Variants in OVOL3 observed in about 807,000 individuals in gnomAD.
OVOL3 encodes putative transcription factor ovo-like protein 3.
OVOL3 carries 15 observed loss-of-function variants against 13.6 expected under a neutral mutation model. The ratio of observed to expected loss-of-function variants is 1.11; its 90% confidence interval spans 0.74 to 1.70. The LOEUF (loss-of-function observed/expected upper bound fraction) is 1.70, where lower values mean the gene tolerates loss of function less well. Ranked by LOEUF, OVOL3 falls within the 40% of genes most tolerant of loss-of-function variation. The probability of loss-of-function intolerance (pLI) is 0.00; values close to 1 mark genes in which losing one functional copy is unlikely to be tolerated. For synonymous variants in OVOL3, 102 were observed against 108.5 expected (o/e 0.94, Z 0.37); for missense variants, 290 against 280.6 (o/e 1.03, Z -0.24).
Position 36,111,148 on chromosome 19 carries a change from G to T in OVOL3, c.-55G>T. 1 of 1,411,858 alleles carries T rather than the reference G, an allele frequency of 7.1e-7. No individual in the cohort carries two copies. 87.5% of individuals were successfully genotyped at this position (1,411,858 alleles called of 1,614,324 possible). A position where few individuals can be genotyped will look rare whatever the true frequency, so the allele number is the denominator to read the frequency against. The stretch of plus-strand genomic sequence containing the variant: ...CACCAGGGATAGTCATCCTGGGGCT[G>T]AGGTCTGACAGCAGGTGGAAGCAGC... On this transcript the variant is annotated 5_prime_UTR_variant, in exon 1 of 4. Transcript: ENST00000633214.
At chr19:36,112,631 T>C in intron 2 of OVOL3, 129 bp from the exon 3 acceptor site, 2 of 788,314 alleles carry the variant, frequency 2.5e-6, no homozygotes, top group Non-Finnish European at 4.0e-6. Flanking sequence ...CACACACTAA[T>C]CACTGTCTCC....
At chr19:36,111,563 C>T (rs1172421910) in intron 2 of OVOL3, 130 bp downstream of exon 2, 1 of 913,776 alleles carries the variant, frequency 1.1e-6, no homozygotes, top group Non-Finnish European at 1.7e-6. Context: ...CTGTCCGCCC[C>T]TACTTCTCTG....
At chr19:36,111,636 C>A (rs1422441384) in intron 2 of OVOL3, 3 of 698,796 alleles carry the variant, frequency 4.3e-6, no homozygotes. Flanking sequence ...ACCCCAGGCA[C>A]CAGGGCCGGC....
Position 36,111,250 on chromosome 19 carries a change from C to A in OVOL3, c.48C>A (p.Asn16Lys). Residue 16 changes from asparagine (N) to lysine (K), a missense_variant, in exon 1 of 4, where the codon AAC (asparagine) becomes AAA (lysine). By Grantham distance (94) the Asn-to-Lys change is moderately conservative. Transcript: ENST00000633214. ...LVRSRRPQPPNWGHLPDQLRG... is the reference protein window; with the variant it reads ...LVRSRRPQPPKWGHLPDQLRG... ...GGAGTCGGCGTCCACAGCCCCCCAA[C>A]TGGGGCCATCTGCCTGACCAGCTCC... The A allele has an allele frequency of 6.5e-7, 1 of 1,536,034 alleles. No homozygotes were observed. Among genetic ancestry groups the A allele is most frequent in the Non-Finnish European group, 8.7e-7 (1 of 1,146,878 alleles).
rs1472739796 is a variant in OVOL3 at position 36,112,722 on chromosome 19, T to C, written c.160-38T>C. On this transcript the variant is annotated intron_variant, in intron 2 of 3. Transcript: ENST00000633214. The stretch of plus-strand genomic sequence containing the variant: ...GCAGAGTAACAAAGGGTGGATGGGG[T>C]CCAGCCAGAGAGGCTAATAACTCCT... 6.0e-6 allele frequency: 9 copies of C among 1,491,630 alleles called. No individual in the cohort carries two copies. The African/African-American group carries it at 8.3e-5, about 14-fold the overall frequency. 92.4% of individuals were successfully genotyped at this position (1,491,630 alleles called of 1,614,324 possible). A position where few individuals can be genotyped will look rare whatever the true frequency, so the allele number is the denominator to read the frequency against.
Position 36,111,244 on chromosome 19 carries a change from C to T in OVOL3, c.42C>T (p.Pro14=), listed in dbSNP as rs1018280162. 4.3e-5 allele frequency: 66 copies of T among 1,535,846 alleles called. No individual in the cohort carries two copies. The highest frequency in any genetic ancestry group is 5.6e-5 in the Non-Finnish European group (64 of 1,146,862). ...AFLVRSRRPQ[P]PNWGHLPDQL... ...TGGTCAGGAGTCGGCGTCCACAGCC[C>T]CCCAACTGGGGCCATCTGCCTGACC... Residue 14 remains proline, a synonymous_variant, in exon 1 of 4, where the codon CCC becomes CCT. Coordinates refer to ENST00000633214, the MANE Select transcript of OVOL3 (RefSeq NM_001302757.2).
chr19:36,111,384 G>C lies in OVOL3; in HGVS notation c.110G>C (p.Gly37Ala), dbSNP rs971541616. Reference sequence around the variant, plus strand: ...TTCTCCTCAGACTGCAGCAGCCTGGGGGGGCCACCGGCACAACAGTCGTCC... The same window carrying C: ...TTCTCCTCAGACTGCAGCAGCCTGGCGGGGCCACCGGCACAACAGTCGTCC... ...DAYIPDCSSLGGPPAQQSSSV... is the reference protein window; with the variant it reads ...DAYIPDCSSLAGPPAQQSSSV... Residue 37 changes from glycine to alanine, a missense_variant, in exon 2 of 4, where the codon GGG becomes GCG. Gly to Ala is a moderately conservative substitution (Grantham distance 60). Transcript: ENST00000633214. 2.0e-6 allele frequency: 3 copies of C among 1,535,862 alleles called. No individual in the cohort carries two copies. Among genetic ancestry groups the C allele is most frequent in the Non-Finnish European group, 2.6e-6 (3 of 1,146,824 alleles).
chr19:36,113,552 A>C lies in OVOL3; in HGVS notation c.464A>C (p.Tyr155Ser). The change falls in exon 4 of 4, where the codon TAC (tyrosine) becomes TCC (serine). Residue 155 changes from tyrosine (Y) to serine (S), a missense_variant. Transcript: ENST00000633214. ...LAKVHGQPAS[Y>S]AYRERREKLH... ...AAGGTGCATGGACAGCCGGCCAGCT[A>C]CGCTTACCGTGAGCGCCGCGAGAAG... 1 of 1,536,548 alleles carries C rather than the reference A, an allele frequency of 6.5e-7. No homozygotes were observed. The highest frequency in any genetic ancestry group is 8.7e-7 in the Non-Finnish European group (1 of 1,146,894).
Position 36,111,447 on chromosome 19 carries a change from T to G in OVOL3, c.159+14T>G, listed in dbSNP as rs1184618360. 1 of 1,535,530 alleles carries G rather than the reference T, an allele frequency of 6.5e-7. No individual in the cohort carries two copies. Among genetic ancestry groups the G allele is most frequent in the Non-Finnish European group, 8.7e-7 (1 of 1,146,512 alleles). Reference sequence around the variant, plus strand: ...CCGTGGACAGCGGTGAGTGTGTAACTGGCTAGCAAAGCCAGCTGTTTCGCT... The same window carrying G: ...CCGTGGACAGCGGTGAGTGTGTAACGGGCTAGCAAAGCCAGCTGTTTCGCT... On this transcript the variant is annotated intron_variant, in intron 2 of 3. Transcript: ENST00000633214.
intron 2 of OVOL3, chr19:36,111,768 G>C: frequency 1.9e-6 from 1 of 521,962 alleles, no homozygotes; most frequent in South Asian, 1.5e-5. Context: ...TTTTTCAGCT[G>C]TGCATGCATT....
At chr19:36,113,171 G>A (rs886466531) in intron 3 of OVOL3, among the ~76,000 whole-genome samples, 3 of 152,184 alleles carry the variant, frequency 2.0e-5, no homozygotes, top group Non-Finnish European at 4.4e-5. Context: ...GCAGACGGAT[G>A]CCGGTTATAC....
At chr19:36,111,822 G>C (rs768753124) in intron 2 of OVOL3, 1 of 473,992 alleles carries the variant, frequency 2.1e-6, no homozygotes, top group African/African-American at 2.0e-5. Context: ...ATTCATGAAA[G>C]CAAGGCACTG....
chr19:36,112,678 A>C, intron 2 of OVOL3, 82 bp from the exon 3 acceptor site: 1 of 1,299,092 alleles, frequency 7.7e-7, no homozygotes, highest in Non-Finnish European at 1.0e-6. Flanking sequence ...GGCTCAGGAC[A>C]CTCTGTAAAT....
At position 36,113,637 on chromosome 19, in the gene OVOL3, C is replaced by G. The variant is rs1267387735; in HGVS notation, c.549C>G (p.His183Gln). Residue 183 changes from histidine to glutamine, a missense_variant, in exon 4 of 4, where the codon CAC becomes CAG. Coordinates refer to ENST00000633214, the MANE Select transcript of OVOL3 (RefSeq NM_001302757.2). Reference protein sequence around the residue: ...TSSRPDTYAQHRALHRAA With the variant: ...TSSRPDTYAQQRALHRAA The stretch of plus-strand genomic sequence containing the variant: ...CCCGGCCCGACACCTACGCACAGCA[C>G]CGCGCCCTGCACCGCGCAGCCTGAT... The G allele has an allele frequency of 2.6e-6, 4 of 1,547,418 alleles. No homozygotes were observed. In the East Asian group the frequency reaches 7.3e-5, roughly 28 times the overall value.
chr19:36,111,382 G>T lies in OVOL3; in HGVS notation c.108G>T (p.Leu36=). 1 of 1,535,154 alleles carries T rather than the reference G, an allele frequency of 6.5e-7. No homozygotes were observed. Among genetic ancestry groups the T allele is most frequent in the Non-Finnish European group, 8.7e-7 (1 of 1,146,272 alleles). The part of the protein sequence containing the change: ...GDAYIPDCSS[L]GGPPAQQSSS... ...TTTTCTCCTCAGACTGCAGCAGCCT[G>T]GGGGGGCCACCGGCACAACAGTCGT... Residue 36 remains leucine (L), a synonymous_variant, in exon 2 of 4, where the codon CTG becomes CTT. Transcript: ENST00000633214.
In OVOL3 at chr19:36,111,359, T is replaced by C. The variant is rs766420844; in HGVS notation, c.95-10T>C. On this transcript the variant is annotated splice_polypyrimidine_tract_variant and intron_variant, in intron 1 of 3. Coordinates refer to ENST00000633214, the MANE Select transcript of OVOL3 (RefSeq NM_001302757.2). ...GAGACGCAGTGTCACCATCTGGCTT[T>C]TCTCCTCAGACTGCAGCAGCCTGGG... is the stretch of plus-strand genomic sequence containing the variant. The C allele has an allele frequency of 6.5e-7, 1 of 1,535,712 alleles. No homozygotes were observed. The highest frequency in any genetic ancestry group is 8.7e-7 in the Non-Finnish European group (1 of 1,146,638).
At position 36,111,453 on chromosome 19, in the gene OVOL3, G is replaced by A; in HGVS notation, c.159+20G>A. On this transcript the variant is annotated intron_variant, in intron 2 of 3. Transcript: ENST00000633214. ...ACAGCGGTGAGTGTGTAACTGGCTA[G>A]CAAAGCCAGCTGTTTCGCTCCTGCC... is the stretch of plus-strand genomic sequence containing the variant. 1 of 1,534,008 alleles carries A rather than the reference G, an allele frequency of 6.5e-7. No homozygotes were observed. The highest frequency in any genetic ancestry group is 8.7e-7 in the Non-Finnish European group (1 of 1,145,116).
In OVOL3 at chr19:36,111,291, T is replaced by C; in HGVS notation, c.89T>C (p.Ile30Thr). The C allele has an allele frequency of 6.5e-7, 1 of 1,535,934 alleles. No homozygotes were observed. Among genetic ancestry groups the C allele is most frequent in the African/African-American group, 1.4e-5 (1 of 73,124 alleles). The change falls in exon 1 of 4, where the codon ATC becomes ACC. Residue 30 changes from isoleucine to threonine, a missense_variant. Transcript: ENST00000633214. ...GACCAGCTCCGGGGAGATGCCTATA[T>C]CCCAGGTGGGCCCCTCACTGTGCCT... ...LPDQLRGDAY[I>T]PDCSSLGGPP...
In OVOL3 at chr19:36,113,649, C is replaced by T; in HGVS notation, c.561C>T (p.His187=). ...PDTYAQHRAL[H]RAA ...CCTACGCACAGCACCGCGCCCTGCA[C>T]CGCGCAGCCTGATACGGTGTGCCAG... The change falls in exon 4 of 4, where the codon CAC becomes CAT. Residue 187 remains histidine (H), a synonymous_variant. Coordinates refer to ENST00000633214, the MANE Select transcript of OVOL3 (RefSeq NM_001302757.2). 1.3e-6 allele frequency: 2 copies of T among 1,548,846 alleles called. No homozygotes were observed. Among genetic ancestry groups the T allele is most frequent in the South Asian group, 1.2e-5 (1 of 84,050 alleles).
Sources: allele counts gnomAD v4.1 joint callset (sites outside exome capture counted in the v4.1 genomes callset), GRCh38; gene constraint gnomAD v4.1.1; transcripts MANE v1.5; gene names NCBI Gene and HGNC (gene_info 2026-07-23, HGNC 2026-07-21).